The following VPS13C variants were observed in gnomAD, a reference collection of about 807,000 sequenced individuals.
VPS13C encodes vacuolar protein sorting 13 homolog C.
Under a neutral mutation model 456.8 loss-of-function variants are expected in VPS13C, and 358 were observed. That is an observed-to-expected ratio of 0.78 (90% CI 0.72 to 0.86). The LOEUF (loss-of-function observed/expected upper bound fraction) is 0.86, where lower values mean the gene tolerates loss of function less well. Among genes scored for constraint, VPS13C ranks in the 40% least tolerant of loss-of-function variants. VPS13C has a pLI of 0.00. For missense variants in VPS13C, 4,818 were observed against 4,385.4 expected (o/e 1.10, Z -2.79); for synonymous variants, 1,578 against 1,486.7 (o/e 1.06, Z -1.41).
intron 51 of VPS13C, among the ~76,000 whole-genome samples, chr15:61,928,035 AC>A (rs2043922284): frequency 8.6e-6 from 1 of 116,066 alleles, no homozygotes; most frequent in South Asian, 3.4e-4. Context: ...CACACCGGGG[AC>A]CGTTGTGGGG....
At chr15:61,855,027 T>C in intron 83 of VPS13C, 73 bp from the exon 84 acceptor site, 1 of 1,209,722 alleles carries the variant, frequency 8.3e-7, no homozygotes, top group African/African-American at 1.5e-5. Context: ...TTTAATTGTA[T>C]ACTTAAATGT....
chr15:61,986,128 TAC>T lies in VPS13C; in HGVS notation c.1579-1131_1579-1130del, dbSNP rs371577636. Among the ~76,000 whole-genome samples the T allele has an allele frequency of 1.6e-3, 231 of 143,186 alleles. 2 individuals are homozygous for T. The highest frequency in any genetic ancestry group is 2.6e-3 in the African/African-American group (100 of 39,084). 93.9% of individuals were successfully genotyped at this position (143,186 alleles called of 152,430 possible). A position where few individuals can be genotyped will look rare whatever the true frequency, so the allele number is the denominator to read the frequency against. ...ATACACATACACACACACACACCGG[TAC>T]ACACACACACACACAGACAGGCTCA... On this transcript the variant is annotated intron_variant, in intron 18 of 84. Transcript: ENST00000644861.
At chr15:62,027,826 G>A (rs892063088) in intron 6 of VPS13C, among the ~76,000 whole-genome samples, 3 of 151,820 alleles carry the variant, frequency 2.0e-5, no homozygotes, top group African/African-American at 4.8e-5. Context: ...TGCCTTTTGC[G>A]AAGCTTGAAA....
Position 61,964,711 on chromosome 15 carries a change from T to C in VPS13C, c.3202A>G (p.Thr1068Ala). The change falls in exon 31 of 85, where the codon ACT (threonine) becomes GCT (alanine). Residue 1068 changes from threonine (T) to alanine (A), a missense_variant. Coordinates refer to ENST00000644861, the MANE Select transcript of VPS13C (RefSeq NM_020821.3). ...ISTEKQQKNS[T>A]LPKAIVSSRD... ...GTATGTTTCATACCTTTTGGCAGAGTTGAATTTTTTTGTTGTTTTTCAGTT... is the reference window on the plus strand; with the variant it reads ...GTATGTTTCATACCTTTTGGCAGAGCTGAATTTTTTTGTTGTTTTTCAGTT... 6.2e-7 allele frequency: 1 copy of C among 1,600,018 alleles called. No individual in the cohort carries two copies. Among genetic ancestry groups the C allele is most frequent in the Non-Finnish European group, 8.5e-7 (1 of 1,175,728 alleles).
intron 1 of VPS13C, among the ~76,000 whole-genome samples, chr15:62,057,104 C>T (rs930609979): frequency 2.6e-5 from 4 of 152,036 alleles, no homozygotes; most frequent in Non-Finnish European, 5.9e-5. Flanking sequence ...CTCTCGTCGC[C>T]GCACACAGGG....
Position 61,946,369 on chromosome 15 carries a change from CAT to C in VPS13C, c.4916_4917del (p.Asp1639GlyfsTer6). 6.2e-7 allele frequency: 1 copy of C among 1,608,938 alleles called. No individual in the cohort carries two copies. Among genetic ancestry groups the C allele is most frequent in the Non-Finnish European group, 8.5e-7 (1 of 1,177,742 alleles). ...ASISVKPKQT[D>X]VFARLKDIIV... is the part of the protein sequence containing the mutation. ...ATAATATCTTTAAGTCTGGCAAACACATCAGTCTGCTTAGGCTTCACAGAAAT... is the reference window on the plus strand; with the variant it reads ...ATAATATCTTTAAGTCTGGCAAACACCAGTCTGCTTAGGCTTCACAGAAAT... On this transcript the variant is annotated frameshift_variant, in exon 44 of 85. Coordinates refer to ENST00000644861, the MANE Select transcript of VPS13C (RefSeq NM_020821.3). LOFTEE classifies it high-confidence loss of function.
intron 60 of VPS13C, among the ~76,000 whole-genome samples, chr15:61,917,102 A>G (rs1407475139): frequency 6.6e-6 from 1 of 152,182 alleles, no homozygotes; most frequent in Non-Finnish European, 1.5e-5. Context: ...GCCTGATAAT[A>G]GTACCTACAT....
chr15:61,902,534 G>A (rs1207906886), intron 66 of VPS13C, among the ~76,000 whole-genome samples: 2 of 149,320 alleles, frequency 1.3e-5, no homozygotes, highest in Non-Finnish European at 2.9e-5. Context: ...AGGGATGCAA[G>A]GATGGTTCAA....
At position 61,959,612 on chromosome 15, in the gene VPS13C, T is replaced by C; in HGVS notation, c.3909-17A>G. 6.2e-7 allele frequency: 1 copy of C among 1,606,384 alleles called. No individual in the cohort carries two copies. The highest frequency in any genetic ancestry group is 2.2e-5 in the East Asian group (1 of 44,724). ...ATCACTGTCCTACGAAAAACAGAAA[T>C]GTTACATAATGCATAGATATAGGGT... On this transcript the variant is annotated splice_polypyrimidine_tract_variant and intron_variant, in intron 35 of 84. Coordinates refer to ENST00000644861, the MANE Select transcript of VPS13C (RefSeq NM_020821.3).
At chr15:61,894,626 G>T (rs2042750796) in intron 66 of VPS13C, among the ~76,000 whole-genome samples, 1 of 152,004 alleles carries the variant, frequency 6.6e-6, no homozygotes, top group Non-Finnish European at 1.5e-5. Context: ...TCAAGGCTAA[G>T]ATTACAAAAA....
intron 68 of VPS13C, among the ~76,000 whole-genome samples, chr15:61,883,115 T>G (rs1053292259): frequency 6.6e-6 from 1 of 151,890 alleles, no homozygotes; most frequent in Admixed American, 6.6e-5. Flanking sequence ...CTCAACCTCC[T>G]GGCCTCAAGT....
chr15:61,880,288 A>G (rs1895749490), intron 73 of VPS13C, among the ~76,000 whole-genome samples: 1 of 152,108 alleles, frequency 6.6e-6, no homozygotes, highest in East Asian at 1.9e-4. Flanking sequence ...CTGTTTAGAC[A>G]GTGATAGTAG....
chr15:62,049,628 A>G (rs895587769), intron 1 of VPS13C, among the ~76,000 whole-genome samples: 4 of 152,186 alleles, frequency 2.6e-5, no homozygotes, highest in Admixed American at 6.5e-5. Flanking sequence ...AGTTTTTCCA[A>G]TTCTGTGAAG....
chr15:61,869,859 C>T lies in VPS13C; in HGVS notation c.10625-236G>A, dbSNP rs957386708. Among the ~76,000 whole-genome samples the T allele has an allele frequency of 4.6e-5, 7 of 152,166 alleles. No individual in the cohort carries two copies. In the East Asian group the frequency reaches 1.4e-3, roughly 29 times the overall value. Reference sequence around the variant, plus strand: ...CCTACTGAATCAGAAACTCTGGGGGCGGGGCCAGCATTTATGTTTTTCTAA... The same window carrying T: ...CCTACTGAATCAGAAACTCTGGGGGTGGGGCCAGCATTTATGTTTTTCTAA... On this transcript the variant is annotated intron_variant, in intron 79 of 84. Transcript: ENST00000644861.
At chr15:62,018,729 G>C (rs1479088880) in intron 9 of VPS13C, among the ~76,000 whole-genome samples, 1 of 152,078 alleles carries the variant, frequency 6.6e-6, no homozygotes, top group Non-Finnish European at 1.5e-5. Flanking sequence ...GTTCATCAAG[G>C]ATATTGGTCT....
At chr15:61,913,252 T>G (rs1192364699) in intron 62 of VPS13C, 59 bp downstream of exon 62, 1 of 1,474,240 alleles carries the variant, frequency 6.8e-7, no homozygotes, top group Non-Finnish European at 9.5e-7. Context: ...TCCAACTTGT[T>G]TGTTGAACTG....
chr15:61,909,736 G>A (rs1436139094), intron 64 of VPS13C, among the ~76,000 whole-genome samples: 1 of 152,020 alleles, frequency 6.6e-6, no homozygotes, highest in Non-Finnish European at 1.5e-5. Context: ...ATTTTTTATG[G>A]CTGCATAGTA....
chr15:61,949,019 C>T (rs540420618), intron 42 of VPS13C, among the ~76,000 whole-genome samples: 1 of 152,234 alleles, frequency 6.6e-6, no homozygotes, highest in South Asian at 2.1e-4. Context: ...TCCATGAGCT[C>T]CTTCCCTGCA....
At chr15:62,027,479 G>T (rs961886778) in intron 6 of VPS13C, among the ~76,000 whole-genome samples, 14 of 152,140 alleles carry the variant, frequency 9.2e-5, no homozygotes, top group African/African-American at 3.1e-4. Flanking sequence ...TGCTTTCAGG[G>T]TAATTTCACC....
Sources: gnomAD v4.1 joint callset for allele counts (sites outside exome capture counted in the v4.1 genomes callset) on GRCh38, gnomAD v4.1.1 for gene constraint, MANE v1.5 for transcripts, NCBI Gene and HGNC (gene_info 2026-07-23, HGNC 2026-07-21) for gene names.